The following DIP2B variants were observed in gnomAD, a reference collection of about 807,000 sequenced individuals.
DIP2B encodes the protein DIP2 acetate--CoA ligase B (putative).
In DIP2B, 76 loss-of-function variants were observed where a neutral mutation model predicts 198.0. That is an observed-to-expected ratio of 0.38 (90% CI 0.32 to 0.46). The LOEUF (loss-of-function observed/expected upper bound fraction) is 0.46, where lower values mean the gene tolerates loss of function less well. DIP2B is among the 20% of genes least tolerant of loss of function. DIP2B has a pLI of 0.99. For synonymous variants in DIP2B, 701 were observed against 739.1 expected, an observed-to-expected ratio of 0.95 and a Z score of 0.84; for missense variants, 1,559 against 1,978.4, an observed-to-expected ratio of 0.79 and a Z score of 4.02.
chr12:50,561,513 T>A (rs1171797623), intron 1 of DIP2B, among the ~76,000 whole-genome samples: 1 of 152,146 alleles, frequency 6.6e-6, no homozygotes, highest in Non-Finnish European at 1.5e-5. Context: ...AAGTAGCACA[T>A]CCATAAACAC....
chr12:50,585,768 T>C (rs1014148065), intron 1 of DIP2B, among the ~76,000 whole-genome samples: 4 of 152,226 alleles, frequency 2.6e-5, no homozygotes, highest in South Asian at 2.1e-4. Context: ...CACTCTGTTA[T>C]ATGCAATTAA....
chr12:50,539,611 T>G (rs1362560594), intron 1 of DIP2B, among the ~76,000 whole-genome samples: 2 of 85,668 alleles, frequency 2.3e-5, no homozygotes, highest in African/African-American at 8.1e-5. Context: ...AGTGAAATAC[T>G]CTGTCTCAAA....
At chr12:50,743,400 A>G (rs185216402) in intron 37 of DIP2B, among the ~76,000 whole-genome samples, 2 of 152,140 alleles carry the variant, frequency 1.3e-5, no homozygotes, top group Admixed American at 6.6e-5. Context: ...TTTTAAAGCA[A>G]TTTAGCCCTG....
chr12:50,702,162 T>C (rs1196224193), intron 19 of DIP2B, among the ~76,000 whole-genome samples: 5 of 151,708 alleles, frequency 3.3e-5, no homozygotes, highest in Admixed American at 3.3e-4. Context: ...ATCCTGTGAA[T>C]GGTGAAGCCC....
At chr12:50,611,863 C>T (rs763068279) in intron 1 of DIP2B, among the ~76,000 whole-genome samples, 33 of 152,064 alleles carry the variant, frequency 2.2e-4, no homozygotes, top group Non-Finnish European at 3.4e-4. Flanking sequence ...GATCACTTGT[C>T]GTTGCTTTTG....
intron 19 of DIP2B, 98 bp downstream of exon 19, chr12:50,699,300 T>G: frequency 6.5e-7 from 1 of 1,528,584 alleles, no homozygotes; most frequent in Non-Finnish European, 8.9e-7. Context: ...TAACATGTGG[T>G]TGAGAGTGTG....
intron 25 of DIP2B, among the ~76,000 whole-genome samples, chr12:50,719,755 C>T (rs370310419): frequency 4.0e-5 from 6 of 151,404 alleles, no homozygotes; most frequent in African/African-American, 9.7e-5. Context: ...GCAGGAGAAT[C>T]GCTTGAATCC....
intron 1 of DIP2B, among the ~76,000 whole-genome samples, chr12:50,584,970 C>T (rs984336400): frequency 2.0e-5 from 3 of 152,190 alleles, no homozygotes; most frequent in Non-Finnish European, 4.4e-5. Flanking sequence ...TCTCCTGCTT[C>T]GTTTCTACCT....
intron 25 of DIP2B, 107 bp from the exon 26 acceptor site, chr12:50,721,166 A>G (rs1939829252): frequency 1.4e-6 from 2 of 1,466,028 alleles, no homozygotes; most frequent in Admixed American, 2.3e-5. Flanking sequence ...GCTAAGGATA[A>G]TCTACAAAAG....
chr12:50,646,436 T>A (rs900300098), intron 3 of DIP2B, among the ~76,000 whole-genome samples: 3 of 151,264 alleles, frequency 2.0e-5, no homozygotes, highest in African/African-American at 7.3e-5. Flanking sequence ...TTATTATTAT[T>A]TTTGAGACAG....
intron 23 of DIP2B, among the ~76,000 whole-genome samples, chr12:50,717,816 C>T (rs771464445): frequency 5.9e-5 from 9 of 151,574 alleles, no homozygotes; most frequent in Admixed American, 2.0e-4. Flanking sequence ...ACAAACTCCT[C>T]GGCTCAAGTG....
intron 20 of DIP2B, among the ~76,000 whole-genome samples, chr12:50,705,858 A>G (rs1456680182): frequency 6.6e-6 from 1 of 152,226 alleles, no homozygotes; most frequent in East Asian, 1.9e-4. Context: ...AATAACTGCT[A>G]GGTAGGTGAA....
intron 1 of DIP2B, among the ~76,000 whole-genome samples, chr12:50,512,264 G>A (rs1386140675): frequency 4.0e-5 from 6 of 151,640 alleles, no homozygotes; most frequent in African/African-American, 1.2e-4. Flanking sequence ...GTGCCACCAC[G>A]CCCGGCTAAT....
intron 4 of DIP2B, among the ~76,000 whole-genome samples, chr12:50,669,588 C>G (rs1037586013): frequency 3.3e-5 from 5 of 152,088 alleles, no homozygotes; most frequent in African/African-American, 9.7e-5. Context: ...CCATGCCTGG[C>G]TAATTTTTGT....
At chr12:50,624,328 ACTTT>A (rs1213635418) in intron 1 of DIP2B, among the ~76,000 whole-genome samples, 2 of 151,868 alleles carry the variant, frequency 1.3e-5, no homozygotes, top group African/African-American at 2.4e-5. Context: ...GCTTCACCCT[ACTTT>A]CTTTCTTTCT....
At chr12:50,639,988 T>G (rs1287682532) in intron 2 of DIP2B, among the ~76,000 whole-genome samples, 1 of 152,208 alleles carries the variant, frequency 6.6e-6, no homozygotes. Context: ...TATGCAAGAT[T>G]AGTAAGTTCT....
At chr12:50,717,359 C>CT (rs137945712) in intron 23 of DIP2B, among the ~76,000 whole-genome samples, 59 of 46,864 alleles carry the variant, frequency 1.3e-3, no homozygotes, top group African/African-American at 4.3e-3. Context: ...CTCACTGCAG[C>CT]TTTTTTTTTT....
chr12:50,642,968 A>G (rs781015450), intron 3 of DIP2B, among the ~76,000 whole-genome samples: 2 of 152,064 alleles, frequency 1.3e-5, no homozygotes, highest in Middle Eastern at 3.4e-3. Flanking sequence ...GCATGTTCCA[A>G]CCTGTCCAGA....
chr12:50,588,481 C>T (rs1005033936), intron 1 of DIP2B, among the ~76,000 whole-genome samples: 8 of 152,270 alleles, frequency 5.3e-5, no homozygotes, highest in Middle Eastern at 3.4e-3. Flanking sequence ...GTACTGAACA[C>T]GAGATTGGGG....
Sources: gnomAD v4.1 joint callset for allele counts (sites outside exome capture counted in the v4.1 genomes callset) on GRCh38, gnomAD v4.1.1 for gene constraint, MANE v1.5 for transcripts, NCBI Gene and HGNC (gene_info 2026-07-23, HGNC 2026-07-21) for gene names.